GRK4: variants seen among roughly 807,000 people sequenced by gnomAD.
GRK4 encodes G protein-coupled receptor kinase 4, also known as G protein-coupled receptor kinase 2-like.
In GRK4, 73 loss-of-function variants were observed where a neutral mutation model predicts 77.9. The ratio of observed to expected loss-of-function variants is 0.94; its 90% CI spans 0.78 to 1.14. The LOEUF is 1.14. Among genes scored for constraint, GRK4 ranks in the 50% most tolerant of loss-of-function variants. GRK4 has a pLI of 0.00. For synonymous variants in GRK4, 257 were observed against 254.4 expected, an observed-to-expected ratio of 1.01 and a Z score of -0.10; for missense variants, 729 against 700.2, an observed-to-expected ratio of 1.04 and a Z score of -0.46.
intron 3 of GRK4, among the ~76,000 whole-genome samples, chr4:2,991,175 G>A (rs1726055510): frequency 6.6e-6 from 1 of 152,178 alleles, no homozygotes; most frequent in Non-Finnish European, 1.5e-5. Context: ...GTCAGAAGGG[G>A]CATGGTAGGA....
At chr4:3,024,932 A>G (rs987919594) in intron 10 of GRK4, among the ~76,000 whole-genome samples, 3 of 152,212 alleles carry the variant, frequency 2.0e-5, no homozygotes, top group Non-Finnish European at 4.4e-5. Flanking sequence ...TTTAGTCATT[A>G]GCAAAAGTTC....
chr4:3,022,456 G>A lies in GRK4; in HGVS notation c.970+5G>A. ...ATATTCTCCTTGATGATCGTGGTAA[G>A]TGGGCAAGCCTTTCACATCTAATGG... On this transcript the variant is annotated splice_donor_5th_base_variant and intron_variant, in intron 10 of 15. Coordinates refer to ENST00000398052, the MANE Select transcript of GRK4 (RefSeq NM_182982.3). 6.2e-6 allele frequency: 10 copies of A among 1,613,950 alleles called. No individual in the cohort carries two copies. The highest frequency in any genetic ancestry group is 8.5e-6 in the Non-Finnish European group (10 of 1,179,888).
Position 3,009,655 on chromosome 4 carries a change from G to A in GRK4, c.544G>A (p.Val182Ile), listed in dbSNP as rs141282743. ...GTTTTTCTCATTGATTAGGCAACCC[G>A]TAACAAAGAACACATTTAGACATTA... is the stretch of plus-strand genomic sequence containing the variant. ...LQWKWLERQP[V>I]TKNTFRHYRV... Residue 182 changes from valine (V) to isoleucine (I), a missense_variant, in exon 7 of 16, where the codon GTA (valine) becomes ATA (isoleucine). Transcript: ENST00000398052. 1.4e-5 allele frequency: 23 copies of A among 1,613,024 alleles called. No homozygotes were observed. The East Asian group carries it at 1.8e-4, about 13-fold the overall frequency.
chr4:3,018,196 C>A (rs1228897588), intron 8 of GRK4, among the ~76,000 whole-genome samples: 4 of 151,752 alleles, frequency 2.6e-5, no homozygotes, highest in Non-Finnish European at 5.9e-5. Context: ...TAGGTATGAA[C>A]CACTGTGCCC....
chr4:3,018,878 C>A (rs988000893), intron 8 of GRK4, among the ~76,000 whole-genome samples: 19 of 151,930 alleles, frequency 1.3e-4, no homozygotes, highest in Non-Finnish European at 2.5e-4. Flanking sequence ...GACTGTGTCT[C>A]AAAAAAATAA....
intron 1 of GRK4, among the ~76,000 whole-genome samples, chr4:2,981,193 G>A (rs1477660385): frequency 6.6e-6 from 1 of 152,232 alleles, no homozygotes; most frequent in African/African-American, 2.4e-5. Context: ...TCCCCAAGGG[G>A]CCACAGCTCT....
intron 1 of GRK4, among the ~76,000 whole-genome samples, chr4:2,976,108 C>T (rs1009776202): frequency 6.6e-6 from 1 of 152,240 alleles, no homozygotes; most frequent in African/African-American, 2.4e-5. Flanking sequence ...TGTCTGCTTG[C>T]TTCAGCCCTT....
chr4:3,037,325 G>A, intron 13 of GRK4, 49 bp from the exon 14 acceptor site: 1 of 1,522,214 alleles, frequency 6.6e-7, no homozygotes. Context: ...TGAGGGAGCT[G>A]AGAATTGCTG....
At chr4:2,984,823 T>G (rs1474097079) in intron 2 of GRK4, among the ~76,000 whole-genome samples, 1 of 152,036 alleles carries the variant, frequency 6.6e-6, no homozygotes, top group Non-Finnish European at 1.5e-5. Context: ...AAATATATAT[T>G]TTTTATAGAG....
At chr4:3,031,485 T>A (rs148891609) in intron 12 of GRK4, among the ~76,000 whole-genome samples, 1 of 152,232 alleles carries the variant, frequency 6.6e-6, no homozygotes, top group Non-Finnish European at 1.5e-5. Context: ...GGAGCTGCAC[T>A]CGCCCAGCTC....
At chr4:2,968,479 G>T (rs1174949789) in intron 1 of GRK4, among the ~76,000 whole-genome samples, 1 of 152,158 alleles carries the variant, frequency 6.6e-6, no homozygotes, top group Non-Finnish European at 1.5e-5. Flanking sequence ...GTAGCTCAAA[G>T]AATCAAAGTA....
chr4:3,020,177 G>T (rs1483120144), intron 9 of GRK4, among the ~76,000 whole-genome samples: 1 of 151,864 alleles, frequency 6.6e-6, no homozygotes, highest in Non-Finnish European at 1.5e-5. Flanking sequence ...CTAATTTTTT[G>T]TATTTTTACT....
intron 1 of GRK4, chr4:2,965,726 A>C: frequency 2.2e-6 from 1 of 444,508 alleles, no homozygotes. Context: ...TTGTGCACCA[A>C]CTCACACTAT....
intron 4 of GRK4, 31 bp from the exon 5 acceptor site, chr4:3,004,200 T>G (rs1302231414): frequency 1.4e-6 from 2 of 1,386,126 alleles, no homozygotes; most frequent in Non-Finnish European, 1.0e-6. Flanking sequence ...AAATCACTAA[T>G]GGTTATGTAT....
At chr4:2,974,153 T>TA (rs1720427430) in intron 1 of GRK4, among the ~76,000 whole-genome samples, 1 of 152,252 alleles carries the variant, frequency 6.6e-6, no homozygotes, top group African/African-American at 2.4e-5. Context: ...GGCTCTCATT[T>TA]ACTCTTTATT....
At chr4:2,965,333 T>TC in intron 1 of GRK4, 1 of 703,084 alleles carries the variant, frequency 1.4e-6, no homozygotes, top group Non-Finnish European at 2.6e-6. Context: ...GTCTCGGACC[T>TC]CATGTCTCCC....
intron 7 of GRK4, among the ~76,000 whole-genome samples, chr4:3,013,066 C>T (rs777916426): frequency 4.0e-5 from 6 of 151,148 alleles, no homozygotes; most frequent in Middle Eastern, 3.4e-3. Flanking sequence ...AATCTTGAGA[C>T]GGAGTCTCAC....
At chr4:2,998,728 A>G (rs75965878) in intron 4 of GRK4, among the ~76,000 whole-genome samples, 11,390 of 152,260 alleles carry the variant, frequency 0.075, 553 homozygotes, top group Middle Eastern at 0.19. Context: ...AAGAAATGGA[A>G]AGACATCTCC....
At chr4:3,035,312 T>C (rs890807486) in intron 12 of GRK4, 74 bp from the exon 13 acceptor site, 67 of 1,454,826 alleles carry the variant, frequency 4.6e-5, no homozygotes, top group Non-Finnish European at 6.1e-5. Context: ...CCTTTGGTTA[T>C]TATTATGCAG....
Sources: allele counts gnomAD v4.1 joint callset (sites outside exome capture counted in the v4.1 genomes callset), GRCh38; gene constraint gnomAD v4.1.1; transcripts MANE v1.5; gene names NCBI Gene and HGNC (gene_info 2026-07-23, HGNC 2026-07-21).